TXLNB: variants seen among roughly 807,000 people sequenced by gnomAD.
The protein encoded by TXLNB is beta-taxilin.
Under a neutral mutation model 57.4 loss-of-function variants are expected in TXLNB, and 37 were observed. The ratio of observed to expected loss-of-function variants is 0.64; its 90% confidence interval spans 0.50 to 0.85. The LOEUF is 0.85. Ranked by LOEUF, TXLNB falls within the 40% of genes least tolerant of loss-of-function variation. The pLI, the probability that TXLNB is intolerant of heterozygous loss-of-function variation, is 0.00. For synonymous variants in TXLNB, 302 were observed against 309.6 expected, an observed-to-expected ratio of 0.98 and a Z score of 0.26; for missense variants, 848 against 825.6, an observed-to-expected ratio of 1.03 and a Z score of -0.33.
chr6:139,269,427 A>C (rs1473722400), intron 4 of TXLNB, among the ~76,000 whole-genome samples: 3 of 152,194 alleles, frequency 2.0e-5, no homozygotes. Context: ...TCAGGCCCCC[A>C]TTCGGCCTGG....
At position 139,254,767 on chromosome 6, in the gene TXLNB, G is replaced by A. The variant is rs376665663; in HGVS notation, c.1077+797C>T. ...CTTGTATCCATTCACCACTGACAAGGCCAACCTCTGATGGCATAGAAACTT... is the reference window on the plus strand; with the variant it reads ...CTTGTATCCATTCACCACTGACAAGACCAACCTCTGATGGCATAGAAACTT... On this transcript the variant is annotated intron_variant, in intron 7 of 9. Transcript: ENST00000358430. Among the ~76,000 whole-genome samples, 6 of 152,246 alleles carry A rather than the reference G, an allele frequency of 3.9e-5. No homozygotes were observed. In the East Asian group the frequency reaches 7.7e-4, roughly 20 times the overall value.
the TXLNB span, among the ~76,000 whole-genome samples, chr6:139,317,824 TA>T: frequency 2.0e-5 from 3 of 152,058 alleles, no homozygotes; most frequent in African/African-American, 7.2e-5. Context: ...TAATCAAAAT[TA>T]AGATCTCATC....
At chr6:139,294,676 TAC>T (rs1024244935), upstream of TXLNB, among the ~76,000 whole-genome samples, 4 of 152,140 alleles carry the variant, frequency 2.6e-5, no homozygotes, top group African/African-American at 4.8e-5. Context: ...CTTTCCAGCC[TAC>T]AGAACTATGA....
At chr6:139,247,612 T>A (rs1028569001) in intron 8 of TXLNB, among the ~76,000 whole-genome samples, 1 of 145,342 alleles carries the variant, frequency 6.9e-6, no homozygotes, top group Non-Finnish European at 1.5e-5. Flanking sequence ...AAATGAAACC[T>A]AGAATTTTTG....
chr6:139,227,935 C>T, the TXLNB span, among the ~76,000 whole-genome samples: 4 of 152,192 alleles, frequency 2.6e-5, no homozygotes, highest in South Asian at 4.1e-4. Flanking sequence ...GGATGCTTGA[C>T]TATGCTCTAT....
intron 8 of TXLNB, among the ~76,000 whole-genome samples, chr6:139,247,329 A>G (rs1470561246): frequency 6.6e-6 from 1 of 151,914 alleles, no homozygotes; most frequent in Non-Finnish European, 1.5e-5. Context: ...TTTAGTAGAG[A>G]CAGGGTTTCA....
chr6:139,196,364 G>GTTT, the TXLNB span, among the ~76,000 whole-genome samples: 57 of 86,734 alleles, frequency 6.6e-4, no homozygotes, highest in Non-Finnish European at 9.4e-4. Context: ...CTCCAGATCT[G>GTTT]GTTTTTTTTT....
chr6:139,189,046 C>T, the TXLNB span, among the ~76,000 whole-genome samples: 204 of 152,346 alleles, frequency 1.3e-3, 5 homozygotes, highest in South Asian at 0.04. Flanking sequence ...CGTGAGCCAC[C>T]ATGCCCGGCC....
At chr6:139,244,969 G>T (rs1159188378) in intron 8 of TXLNB, among the ~76,000 whole-genome samples, 1 of 152,162 alleles carries the variant, frequency 6.6e-6, no homozygotes, top group Non-Finnish European at 1.5e-5. Flanking sequence ...TCATTTAAAA[G>T]AAGAATATCT....
upstream of TXLNB, among the ~76,000 whole-genome samples, chr6:139,296,155 A>T (rs1777385558): frequency 6.6e-6 from 1 of 151,950 alleles, no homozygotes; most frequent in Non-Finnish European, 1.5e-5. Flanking sequence ...CCTGGCTCCT[A>T]TTCTTCCTCT....
chr6:139,299,923 G>A, the TXLNB span, among the ~76,000 whole-genome samples: 2 of 152,148 alleles, frequency 1.3e-5, no homozygotes, highest in Non-Finnish European at 2.9e-5. Flanking sequence ...CAAGCACTGT[G>A]ACTCCTTTCA....
intron 4 of TXLNB, among the ~76,000 whole-genome samples, chr6:139,267,033 T>C (rs1776633676): frequency 6.8e-6 from 1 of 147,812 alleles, no homozygotes; most frequent in Non-Finnish European, 1.5e-5. Flanking sequence ...GAATTTAGCC[T>C]TCAATTAAAA....
chr6:139,180,135 A>G, the TXLNB span: 1 of 152,202 alleles, frequency 6.6e-6, no homozygotes, highest in Non-Finnish European at 1.5e-5. Context: ...TTCTAGTTAC[A>G]GAGGAGCTTT....
Position 139,243,172 on chromosome 6 carries a change from CT to C in TXLNB, c.1408del (p.Ser470ValfsTer31). ...DAEISEKDDQSQHNSDEEPES... is the reference protein window; with the variant it reads ...DAEISEKDDQXQHNSDEEPES... Reference sequence around the variant, plus strand: ...TGGCTCTTCATCGGAGTTGTGCTGACTTTGGTCATCCTTTTCAGATATTTCT... The same window carrying C: ...TGGCTCTTCATCGGAGTTGTGCTGACTTGGTCATCCTTTTCAGATATTTCT... On this transcript the variant is annotated frameshift_variant, in exon 10 of 10. Transcript: ENST00000358430. LOFTEE classifies it low-confidence loss of function (END_TRUNC). The C allele has an allele frequency of 6.2e-7, 1 of 1,614,110 alleles. No homozygotes were observed. Among genetic ancestry groups the C allele is most frequent in the Non-Finnish European group, 8.5e-7 (1 of 1,180,026 alleles).
At chr6:139,298,617 A>G in the TXLNB span, among the ~76,000 whole-genome samples, 1 of 152,208 alleles carries the variant, frequency 6.6e-6, no homozygotes, top group Non-Finnish European at 1.5e-5. Context: ...TTTAGTGGCT[A>G]CTATGGGCTG....
chr6:139,231,899 A>G, the TXLNB span, among the ~76,000 whole-genome samples: 3 of 152,226 alleles, frequency 2.0e-5, no homozygotes, highest in East Asian at 5.8e-4. Context: ...TTCCAGGAAT[A>G]ACTTGTTGAT....
At chr6:139,222,206 A>C in the TXLNB span, among the ~76,000 whole-genome samples, 12 of 152,190 alleles carry the variant, frequency 7.9e-5, no homozygotes, top group Non-Finnish European at 1.8e-4. Context: ...TATTGTACAG[A>C]AGTACATATT....
the TXLNB span, among the ~76,000 whole-genome samples, chr6:139,202,732 A>C: frequency 1.3e-5 from 2 of 152,196 alleles, no homozygotes; most frequent in Admixed American, 6.5e-5. Flanking sequence ...CATCTCTTCT[A>C]GTTGTTTGAA....
chr6:139,207,274 TCAAGGACCTTCTCAGACCA>T, the TXLNB span, among the ~76,000 whole-genome samples: 1 of 152,146 alleles, frequency 6.6e-6, no homozygotes, highest in Non-Finnish European at 1.5e-5. Context: ...CAAAATCATA[TCAAGGACCTTCTCAGACCA>T]CAATGGAATA....
Sources: gnomAD v4.1 joint callset for allele counts (sites outside exome capture counted in the v4.1 genomes callset) on GRCh38, gnomAD v4.1.1 for gene constraint, MANE v1.5 for transcripts, NCBI Gene and HGNC (gene_info 2026-07-23, HGNC 2026-07-21) for gene names.